The following AHNAK2 variants were observed in gnomAD, a reference collection of about 807,000 sequenced individuals.
AHNAK2 encodes AHNAK nucleoprotein 2, also known as protein AHNAK2.
A neutral mutation model predicts 30.7 loss-of-function variants in AHNAK2; 18 were observed. The ratio of observed to expected loss-of-function variants is 0.59; its 90% CI spans 0.41 to 0.87. The LOEUF is 0.87. Ranked by LOEUF, AHNAK2 falls within the 40% of genes least tolerant of loss-of-function variation. The pLI is 0.00. For missense variants in AHNAK2, 8,604 were observed against 7,373.0 expected, an observed-to-expected ratio of 1.17 and a Z score of -6.11; for synonymous variants, 3,590 against 3,073.8, an observed-to-expected ratio of 1.17 and a Z score of -5.56.
chr14:104,939,693 GC>G lies in AHNAK2; in HGVS notation c.15757del (p.Ala5253GlnfsTer5). ...EAAMSLQLPE[A>X]DAEVTASESK... ...CTCAGAAGCTGTCACTTCTGCATCTGCCTCTGGGAGCTGTAGGGACATAGCT... is the reference window on the plus strand; with the variant it reads ...CTCAGAAGCTGTCACTTCTGCATCTGCTCTGGGAGCTGTAGGGACATAGCT... On this transcript the variant is annotated frameshift_variant, in exon 7 of 7. Transcript: ENST00000333244. LOFTEE classifies it low-confidence loss of function (END_TRUNC). 1 of 1,613,920 alleles carries G rather than the reference GC, an allele frequency of 6.2e-7. No homozygotes were observed. Among genetic ancestry groups the G allele is most frequent in the Non-Finnish European group, 8.5e-7 (1 of 1,179,898 alleles).
At position 104,939,432 on chromosome 14, in the gene AHNAK2, A is replaced by G; in HGVS notation, c.16019T>C (p.Met5340Thr). 1.2e-6 allele frequency: 2 copies of G among 1,613,504 alleles called. No individual in the cohort carries two copies. The highest frequency in any genetic ancestry group is 1.7e-6 in the Non-Finnish European group (2 of 1,179,804). The part of the protein sequence containing the change: ...LSKPGHDLAS[M>T]EDKTEKWSSQ... ...AGACCATTTCTCTGTTTTATCCTCC[A>G]TGCTGGCAAGGTCATGTCCTGGCTT... is the stretch of plus-strand genomic sequence containing the variant. Residue 5340 changes from methionine to threonine, a missense_variant, in exon 7 of 7, where the codon ATG becomes ACG. Physicochemically the swap from Met to Thr is moderately conservative, Grantham distance 81. Coordinates refer to ENST00000333244, the MANE Select transcript of AHNAK2 (RefSeq NM_138420.4).
rs370064872 is a variant in AHNAK2 at position 104,949,581 on chromosome 14, T to G, written c.5870A>C (p.Asp1957Ala). ...VEVSLPSMEV[D>A]VQAQKAKLDG... ...CAGCTTAGCCTTCTGGGCCTGGACA[T>G]CCACCTCCATGCTGGGCAGAGACAC... Residue 1957 changes from aspartate (D) to alanine (A), a missense_variant, in exon 7 of 7, where the codon GAT (aspartate) becomes GCT (alanine). Coordinates refer to ENST00000333244, the MANE Select transcript of AHNAK2 (RefSeq NM_138420.4). 4 of 1,588,720 alleles carry G rather than the reference T, an allele frequency of 2.5e-6. No individual in the cohort carries two copies. Among genetic ancestry groups the G allele is most frequent in the Non-Finnish European group, 2.6e-6 (3 of 1,163,302 alleles).
chr14:104,948,098 C>T lies in AHNAK2; in HGVS notation c.7353G>A (p.Val2451=). 6.2e-7 allele frequency: 1 copy of T among 1,612,808 alleles called. No individual in the cohort carries two copies. Among genetic ancestry groups the T allele is most frequent in the Non-Finnish European group, 8.5e-7 (1 of 1,179,734 alleles). The change falls in exon 7 of 7, where the codon GTG becomes GTA. Residue 2451 remains valine, a synonymous_variant. Transcript: ENST00000333244. ...DVEVSQPSVE[V]DVEAPGAKLD... is the part of the protein sequence containing the mutation. ...GCTTGGCTCCCGGGGCCTCGACATCCACCTCCACGCTGGGCTGAGACACCT... is the reference window on the plus strand; with the variant it reads ...GCTTGGCTCCCGGGGCCTCGACATCTACCTCCACGCTGGGCTGAGACACCT...
At position 104,950,729 on chromosome 14, in the gene AHNAK2, C is replaced by A; in HGVS notation, c.4722G>T (p.Gly1574=). The A allele has an allele frequency of 6.3e-7, 1 of 1,588,060 alleles. No homozygotes were observed. Among genetic ancestry groups the A allele is most frequent in the Non-Finnish European group, 8.6e-7 (1 of 1,162,958 alleles). The change falls in exon 7 of 7, where the codon GGG becomes GGT. Residue 1574 remains glycine, a synonymous_variant. Transcript: ENST00000333244. ...GPVSEGAGLK[G]HLPKVQMPSF... is the part of the protein sequence containing the mutation. ...TGGGCATCTGCACTTTGGGCAGGTGCCCTTTGAGGCCGGCTCCCTCGGACA... is the reference window on the plus strand; with the variant it reads ...TGGGCATCTGCACTTTGGGCAGGTGACCTTTGAGGCCGGCTCCCTCGGACA...
Position 104,937,812 on chromosome 14 carries a change from T to TC in AHNAK2, c.*250dup. The TC allele has an allele frequency of 2.1e-6, 1 of 473,030 alleles. No homozygotes were observed. The highest frequency in any genetic ancestry group is 3.7e-6 in the Non-Finnish European group (1 of 270,968). 29.3% of individuals were successfully genotyped at this position (473,030 alleles called of 1,614,324 possible). A position where few individuals can be genotyped will look rare whatever the true frequency, so the allele number is the denominator to read the frequency against. On this transcript the variant is annotated 3_prime_UTR_variant, in exon 7 of 7. Transcript: ENST00000333244. ...CAGTGCCTCTGAGTACCGTGTGAAT[T>TC]CTGGTGTCTTGTGGAAGTCAGGGTG...
chr14:104,956,680 G>A lies in AHNAK2; in HGVS notation c.223C>T (p.Pro75Ser). ...CTCCCAGCAGAACCTTGCCTGCCGG[G>A]GGCGTCTTCCTGCAGCCACAAGTGT... The part of the protein sequence containing the change: ...AADFGLQEDA[P>S]GRQGSAGRRR... Residue 75 changes from proline (P) to serine (S), a missense_variant, in exon 4 of 7, where the codon CCC (proline) becomes TCC (serine). Physicochemically the swap from Pro to Ser is moderately conservative, Grantham distance 74. Coordinates refer to ENST00000333244, the MANE Select transcript of AHNAK2 (RefSeq NM_138420.4). 1 of 1,613,680 alleles carries A rather than the reference G, an allele frequency of 6.2e-7. No homozygotes were observed. The highest frequency in any genetic ancestry group is 8.5e-7 in the Non-Finnish European group (1 of 1,179,836).
chr14:104,944,771 C>T lies in AHNAK2; in HGVS notation c.10680G>A (p.Glu3560=). 1 of 1,612,480 alleles carries T rather than the reference C, an allele frequency of 6.2e-7. No individual in the cohort carries two copies. Among genetic ancestry groups the T allele is most frequent in the Non-Finnish European group, 8.5e-7 (1 of 1,179,360 alleles). Residue 3560 remains glutamate, a synonymous_variant, in exon 7 of 7, where the codon GAG becomes GAA. Coordinates refer to ENST00000333244, the MANE Select transcript of AHNAK2 (RefSeq NM_138420.4). ...CTTTGGGCGTCTTTAAACTGGGCAT[C>T]TCCACTTTGGGCAGGTGCCCTTTGA... ...AGLKGHLPKV[E]MPSLKTPKVD...
intron 1 of AHNAK2, among the ~76,000 whole-genome samples, chr14:104,975,322 C>A (rs532305009): frequency 3.9e-5 from 6 of 152,364 alleles, no homozygotes; most frequent in Admixed American, 1.3e-4. Flanking sequence ...AGGCTTGGGG[C>A]AGGAGCCAGA....
intron 1 of AHNAK2, among the ~76,000 whole-genome samples, chr14:104,975,618 G>A (rs532763709): frequency 8.0e-4 from 122 of 152,320 alleles, no homozygotes; most frequent in African/African-American, 2.9e-3. Context: ...CAAAGCGTGC[G>A]ACATTCTGCT....
At chr14:104,958,847 A>G (rs535113892) in intron 1 of AHNAK2, among the ~76,000 whole-genome samples, 180 of 152,308 alleles carry the variant, frequency 1.2e-3, no homozygotes, top group African/African-American at 4.2e-3. Flanking sequence ...AGAGATCCAC[A>G]CCTAGAAACG....
In AHNAK2 at chr14:104,946,888, C is replaced by T; in HGVS notation, c.8563G>A (p.Asp2855Asn). Reference sequence around the variant, plus strand: ...ATGCGGATGTCAGTGGTCTTAAGATCCCCTTGCATGGAGGGGAAGCTCCCG... The same window carrying T: ...ATGCGGATGTCAGTGGTCTTAAGATTCCCTTGCATGGAGGGGAAGCTCCCG... ...ADGSFPSMQG[D>N]LKTTDIRIQP... Residue 2855 changes from aspartate to asparagine, a missense_variant, in exon 7 of 7, where the codon GAT becomes AAT. Transcript: ENST00000333244. The T allele has an allele frequency of 3.7e-6, 6 of 1,612,424 alleles. No individual in the cohort carries two copies. Among genetic ancestry groups the T allele is most frequent in the South Asian group, 1.1e-5 (1 of 91,008 alleles).
Position 104,938,404 on chromosome 14 carries a change from G to A in AHNAK2, c.17047C>T (p.Pro5683Ser), listed in dbSNP as rs758053805. ...APIQTQPEARPEAELPKKQEK... is the reference protein window; with the variant it reads ...APIQTQPEARSEAELPKKQEK... ...TGTTTTTTAGGCAGTTCTGCCTCTG[G>A]TCGTGCCTCAGGCTGTGTTTGAATG... The change falls in exon 7 of 7, where the codon CCA (proline) becomes TCA (serine). Residue 5683 changes from proline to serine, a missense_variant. Transcript: ENST00000333244. 2.5e-6 allele frequency: 4 copies of A among 1,613,924 alleles called. No homozygotes were observed. In the Admixed American group the frequency reaches 5.0e-5, roughly 20 times the overall value.
chr14:104,972,874 G>A (rs1409797927), intron 1 of AHNAK2, among the ~76,000 whole-genome samples: 2 of 152,210 alleles, frequency 1.3e-5, no homozygotes, highest in Non-Finnish European at 2.9e-5. Context: ...ACAGCACGGT[G>A]CAGACACACA....
In AHNAK2 at chr14:104,949,755, C is replaced by T. The variant is rs753681599; in HGVS notation, c.5696G>A (p.Gly1899Glu). ...GGGCAAGTGCCCTTTGAGGCCGGCT[C>T]CCTCGGGCACCTGGCCCTCCGGGAG... is the stretch of plus-strand genomic sequence containing the variant. ...MKLPEGQVPE[G>E]AGLKGHLPKV... Residue 1899 changes from glycine (G) to glutamate (E), a missense_variant, in exon 7 of 7, where the codon GGA becomes GAA. Physicochemically the swap from Gly to Glu is moderately conservative, Grantham distance 98. Coordinates refer to ENST00000333244, the MANE Select transcript of AHNAK2 (RefSeq NM_138420.4). 1.9e-6 allele frequency: 3 copies of T among 1,587,330 alleles called. No individual in the cohort carries two copies. In the South Asian group the frequency reaches 3.3e-5, roughly 18 times the overall value.
At position 104,950,084 on chromosome 14, in the gene AHNAK2, C is replaced by T. The variant is rs372136894; in HGVS notation, c.5367G>A (p.Val1789=). Residue 1789 remains valine (V), a synonymous_variant, in exon 7 of 7, where the codon GTG becomes GTA. Transcript: ENST00000333244. ...CTCCTGGAGCCTCGACGTCCACCTC[C>T]ACGCTGGGCAGAGACACCTCCACGT... The part of the protein sequence containing the change: ...APDVEVSLPS[V]EVDVEAPGAK... The T allele has an allele frequency of 1.9e-6, 3 of 1,587,230 alleles. 1 individual carries two copies. Among genetic ancestry groups the T allele is most frequent in the Non-Finnish European group, 2.6e-6 (3 of 1,163,238 alleles).
chr14:104,938,434 C>A lies in AHNAK2; in HGVS notation c.17017G>T (p.Ala5673Ser). 6.2e-7 allele frequency: 1 copy of A among 1,613,844 alleles called. No individual in the cohort carries two copies. Among genetic ancestry groups the A allele is most frequent in the Non-Finnish European group, 8.5e-7 (1 of 1,179,854 alleles). Residue 5673 changes from alanine to serine, a missense_variant, in exon 7 of 7, where the codon GCT becomes TCT. By Grantham distance (99) the Ala-to-Ser change is moderately conservative. Transcript: ENST00000333244. ...VDSKNDVQRS[A>S]PIQTQPEARP... Reference sequence around the variant, plus strand: ...GCCTCAGGCTGTGTTTGAATGGGAGCAGATCTCTGGACGTCATTTTTGGAA... The same window carrying A: ...GCCTCAGGCTGTGTTTGAATGGGAGAAGATCTCTGGACGTCATTTTTGGAA...
At position 104,938,837 on chromosome 14, in the gene AHNAK2, C is replaced by A; in HGVS notation, c.16614G>T (p.Met5538Ile). The change falls in exon 7 of 7, where the codon ATG (methionine) becomes ATT (isoleucine). Residue 5538 changes from methionine to isoleucine, a missense_variant. Met to Ile is a conservative substitution (Grantham distance 10). Transcript: ENST00000333244. ...PHTQARVYTT[M>I]TQHSRTQEGT... ...CCTCCTGAGTCCTAGAGTGTTGAGTCATTGTTGTGTACACTCTAGCCTGCG... is the reference window on the plus strand; with the variant it reads ...CCTCCTGAGTCCTAGAGTGTTGAGTAATTGTTGTGTACACTCTAGCCTGCG... 1 of 1,613,854 alleles carries A rather than the reference C, an allele frequency of 6.2e-7. No homozygotes were observed. Among genetic ancestry groups the A allele is most frequent in the South Asian group, 1.1e-5 (1 of 91,038 alleles).
At position 104,946,647 on chromosome 14, in the gene AHNAK2, G is replaced by A. The variant is rs1898288653; in HGVS notation, c.8804C>T (p.Pro2935Leu). Reference sequence around the variant, plus strand: ...GCTGGGCAGAGACACCTCCACGTCGGGGGCCGTCACCTCCGCCTTGGGGCC... The same window carrying A: ...GCTGGGCAGAGACACCTCCACGTCGAGGGCCGTCACCTCCGCCTTGGGGCC... ...LKGPKAEVTAPDVEVSLPSVE... is the reference protein window; with the variant it reads ...LKGPKAEVTALDVEVSLPSVE... Residue 2935 changes from proline (P) to leucine (L), a missense_variant, in exon 7 of 7, where the codon CCC becomes CTC. Transcript: ENST00000333244. 2.5e-6 allele frequency: 4 copies of A among 1,612,896 alleles called. No individual in the cohort carries two copies. In the East Asian group the frequency reaches 8.9e-5, roughly 36 times the overall value.
Position 104,940,635 on chromosome 14 carries a change from GC to G in AHNAK2, c.14815del (p.Ala4939ProfsTer15). 2 of 1,613,554 alleles carry G rather than the reference GC, an allele frequency of 1.2e-6. No homozygotes were observed. The highest frequency in any genetic ancestry group is 1.7e-6 in the Non-Finnish European group (2 of 1,179,866). On this transcript the variant is annotated frameshift_variant, in exon 7 of 7. Coordinates refer to ENST00000333244, the MANE Select transcript of AHNAK2 (RefSeq NM_138420.4). LOFTEE classifies it low-confidence loss of function (END_TRUNC). This position sits in a 1 kb window ranked among gnomAD's most constrained non-coding sequence, Gnocchi z 4.4. ...TTCGTGGTCAGCATCTTCAGAAGGG[GC>G]TTCTCCAGGGGCCACTACTGATGTC... Reference protein sequence around the residue: ...LQTSVVAPGEAPSEDADHEGK... With the variant: ...LQTSVVAPGEXPSEDADHEGK...
Sources: allele counts gnomAD v4.1 joint callset (sites outside exome capture counted in the v4.1 genomes callset), GRCh38; gene constraint gnomAD v4.1.1; non-coding constraint Gnocchi (gnomAD v3.1); transcripts MANE v1.5; gene names NCBI Gene and HGNC (gene_info 2026-07-23, HGNC 2026-07-21).